Variants in GOLPH3 observed in about 807,000 individuals in gnomAD.
GOLPH3 encodes golgi phosphoprotein 3, also known as coat protein GPP34.
Under a neutral mutation model 28.5 loss-of-function variants are expected in GOLPH3, and 14 were observed. That is an observed-to-expected ratio of 0.49 (90% confidence interval 0.32 to 0.77). The LOEUF (loss-of-function observed/expected upper bound fraction) is 0.77, where lower values mean the gene tolerates loss of function less well. Ranked by LOEUF, GOLPH3 falls within the 30% of genes least tolerant of loss-of-function variation. GOLPH3 has a pLI of 0.03. For missense variants in GOLPH3, 350 were observed against 393.7 expected (o/e 0.89, Z 0.94); for synonymous variants, 158 against 159.2 (o/e 0.99, Z 0.06).
At chr5:32,173,762 G>C (rs987988810) in intron 1 of GOLPH3, 48 bp downstream of exon 1, 1 of 1,272,848 alleles carries the variant, frequency 7.9e-7, no homozygotes, top group Non-Finnish European at 9.9e-7. Flanking sequence ...CTCACCTGGC[G>C]CCCGGGCCCC....
chr5:32,174,045 G>A lies in GOLPH3; in HGVS notation c.-11C>T, dbSNP rs1746917238. 18 of 1,273,628 alleles carry A rather than the reference G, an allele frequency of 1.4e-5. No individual in the cohort carries two copies. The South Asian group carries it at 2.0e-4, about 14-fold the overall frequency. 78.9% of individuals were successfully genotyped at this position (1,273,628 alleles called of 1,614,324 possible). ...GGTCAGCGAGGTCATGGCTCCCGCC[G>A]AGGCGCCGAGCCGGGCCGAGAGGGT... On this transcript the variant is annotated 5_prime_UTR_variant, in exon 1 of 4. Coordinates refer to ENST00000265070, the MANE Select transcript of GOLPH3 (RefSeq NM_022130.4).
chr5:32,159,852 C>T (rs1268633976), intron 1 of GOLPH3, among the ~76,000 whole-genome samples: 2 of 152,158 alleles, frequency 1.3e-5, no homozygotes, highest in African/African-American at 4.8e-5. Flanking sequence ...AGCAGTGATA[C>T]CTCGAGCCCC....
At chr5:32,130,514 G>A (rs1745804429) in intron 3 of GOLPH3, among the ~76,000 whole-genome samples, 1 of 152,030 alleles carries the variant, frequency 6.6e-6, no homozygotes, top group South Asian at 2.1e-4. Context: ...CAGAATAAAT[G>A]ACTCCCAAGC....
chr5:32,141,936 C>T (rs1012173189), intron 2 of GOLPH3, among the ~76,000 whole-genome samples: 2 of 151,936 alleles, frequency 1.3e-5, no homozygotes, highest in African/African-American at 4.8e-5. Flanking sequence ...AGCGCAGTGG[C>T]GTGATCTCGG....
intron 3 of GOLPH3, among the ~76,000 whole-genome samples, chr5:32,127,933 C>T (rs552803401): frequency 2.1e-4 from 32 of 152,140 alleles, no homozygotes; most frequent in African/African-American, 7.5e-4. Flanking sequence ...CCTAGAGGCA[C>T]GTCCCAGGCA....
At chr5:32,132,884 T>G (rs1745851655) in intron 3 of GOLPH3, among the ~76,000 whole-genome samples, 1 of 152,226 alleles carries the variant, frequency 6.6e-6, no homozygotes, top group African/African-American at 2.4e-5. Flanking sequence ...GGAGATTTTT[T>G]TTAATTTTTT....
chr5:32,163,993 TA>T (rs1746650582), intron 1 of GOLPH3, among the ~76,000 whole-genome samples: 1 of 152,214 alleles, frequency 6.6e-6, no homozygotes, highest in South Asian at 2.1e-4. Flanking sequence ...TACAGTTTCT[TA>T]ATTTCTAATC....
intron 1 of GOLPH3, among the ~76,000 whole-genome samples, chr5:32,164,398 CTT>C (rs201553416): frequency 3.5e-5 from 5 of 144,282 alleles, no homozygotes; most frequent in Non-Finnish European, 7.6e-5. Flanking sequence ...GAGTAAGATT[CTT>C]TTTTTTTTTT....
intron 1 of GOLPH3, among the ~76,000 whole-genome samples, chr5:32,148,126 T>C (rs989709643): frequency 1.3e-5 from 2 of 152,198 alleles, no homozygotes; most frequent in Non-Finnish European, 2.9e-5. Context: ...TCCTCTTCCA[T>C]CTATCTGGGG....
chr5:32,126,763 T>G (rs1745691667), intron 3 of GOLPH3, 127 bp from the exon 4 acceptor site: 2 of 735,368 alleles, frequency 2.7e-6, no homozygotes, highest in Non-Finnish European at 4.4e-6. Flanking sequence ...TGCCATGTTT[T>G]TCTCCCTAAC....
At chr5:32,143,977 G>A (rs1188540617) in intron 1 of GOLPH3, 97 bp from the exon 2 acceptor site, 11 of 719,572 alleles carry the variant, frequency 1.5e-5, no homozygotes, top group Non-Finnish European at 2.1e-5. Context: ...CATATTTGGT[G>A]CCTTTTACCT....
Position 32,174,264 on chromosome 5 carries a change from G to T in GOLPH3, c.-230C>A, listed in dbSNP as rs976582801. 4 of 359,136 alleles carry T rather than the reference G, an allele frequency of 1.1e-5. No individual in the cohort carries two copies. The highest frequency in any genetic ancestry group is 2.1e-5 in the African/African-American group (1 of 47,174). The allele number at this position is 359,136 out of a possible 1,614,324, so 22.2% of individuals were successfully genotyped here. A position where few individuals can be genotyped will look rare whatever the true frequency, so the allele number is the denominator to read the frequency against. On this transcript the variant is annotated 5_prime_UTR_variant, in exon 1 of 4. The change creates a new upstream start codon in the 5' untranslated region. Coordinates refer to ENST00000265070, the MANE Select transcript of GOLPH3 (RefSeq NM_022130.4). ...GAGCGCCTTCCTGCCTGTGGCCGCAGTCCCCGAAACACCCCGAGCTCCAAG... is the reference window on the plus strand; with the variant it reads ...GAGCGCCTTCCTGCCTGTGGCCGCATTCCCCGAAACACCCCGAGCTCCAAG...
At chr5:32,157,104 G>A (rs1746448403) in intron 1 of GOLPH3, among the ~76,000 whole-genome samples, 1 of 152,144 alleles carries the variant, frequency 6.6e-6, no homozygotes, top group Non-Finnish European at 1.5e-5. Flanking sequence ...AGGGCCCTCA[G>A]GGCCTCTATT....
intron 2 of GOLPH3, among the ~76,000 whole-genome samples, chr5:32,139,931 G>A (rs1295546604): frequency 2.0e-5 from 3 of 152,096 alleles, no homozygotes; most frequent in South Asian, 2.1e-4. Flanking sequence ...AAAAACAGGA[G>A]AGTCACAATA....
chr5:32,149,444 T>G (rs568011801), intron 1 of GOLPH3, among the ~76,000 whole-genome samples: 1 of 152,306 alleles, frequency 6.6e-6, no homozygotes, highest in East Asian at 1.9e-4. Flanking sequence ...ATGGTGGTGG[T>G]TGTACAAATC....
intron 1 of GOLPH3, among the ~76,000 whole-genome samples, chr5:32,144,195 A>G (rs564446397): frequency 6.6e-6 from 1 of 152,356 alleles, no homozygotes; most frequent in East Asian, 1.9e-4. Context: ...TCCAAGGAAT[A>G]CTCAGTTAAC....
chr5:32,160,761 A>G (rs1419058989), intron 1 of GOLPH3, among the ~76,000 whole-genome samples: 1 of 152,198 alleles, frequency 6.6e-6, no homozygotes, highest in South Asian at 2.1e-4. Flanking sequence ...TAACACAAAC[A>G]TGAAGACCTA....
At chr5:32,139,346 A>T (rs1377106710) in intron 2 of GOLPH3, among the ~76,000 whole-genome samples, 3 of 146,406 alleles carry the variant, frequency 2.0e-5, no homozygotes, top group Non-Finnish European at 4.4e-5. Context: ...ATTTTATATA[A>T]GAAACTTGAG....
chr5:32,141,788 G>A lies in GOLPH3; in HGVS notation c.357+1961C>T, dbSNP rs528746223. On this transcript the variant is annotated intron_variant, in intron 2 of 3. Coordinates refer to ENST00000265070, the MANE Select transcript of GOLPH3 (RefSeq NM_022130.4). ...GACTGGTTTTCGTATTTTTTTGGTG[G>A]AGACGGGGATTCGCTGTGTTGGCCG... Among the ~76,000 whole-genome samples, 672 of 152,232 alleles carry A rather than the reference G, an allele frequency of 4.4e-3. 1 individual carries two copies. Among genetic ancestry groups the A allele is most frequent in the Middle Eastern group, 0.01 (3 of 294 alleles).
Sources: gnomAD v4.1 joint callset for allele counts (sites outside exome capture counted in the v4.1 genomes callset) on GRCh38, gnomAD v4.1.1 for gene constraint, MANE v1.5 for transcripts, NCBI Gene and HGNC (gene_info 2026-07-23, HGNC 2026-07-21) for gene names.